ITGA9: variants seen among roughly 807,000 people sequenced by gnomAD.
ITGA9 encodes integrin alpha-9.
A neutral mutation model predicts 127.8 loss-of-function variants in ITGA9; 56 were observed. That is an observed-to-expected ratio of 0.44 (90% CI 0.35 to 0.55). ITGA9 has a LOEUF of 0.55. Ranked by LOEUF, ITGA9 falls within the 20% of genes least tolerant of loss-of-function variation. The pLI is 0.00. For synonymous variants in ITGA9, 508 were observed against 514.5 expected, an observed-to-expected ratio of 0.99 and a Z score of 0.17; for missense variants, 1,196 against 1,347.1, an observed-to-expected ratio of 0.89 and a Z score of 1.76.
intron 23 of ITGA9, among the ~76,000 whole-genome samples, chr3:37,762,704 C>T (rs555589350): frequency 3.7e-4 from 57 of 152,326 alleles, no homozygotes; most frequent in Middle Eastern, 3.4e-3. Context: ...CCATTTCAAA[C>T]GATGTCAAAG....
At chr3:37,789,579 G>A (rs1354258466) in intron 26 of ITGA9, among the ~76,000 whole-genome samples, 1 of 148,060 alleles carries the variant, frequency 6.8e-6, no homozygotes, top group Non-Finnish European at 1.5e-5. Context: ...CTAACGTGGT[G>A]TAACCCTGTC....
At chr3:37,776,344 A>T (rs1696907521) in intron 23 of ITGA9, among the ~76,000 whole-genome samples, 1 of 152,126 alleles carries the variant, frequency 6.6e-6, no homozygotes, top group Non-Finnish European at 1.5e-5. Flanking sequence ...TAAAAGTTAA[A>T]AAAAAACCAA....
chr3:37,618,938 G>A (rs1193350311), intron 15 of ITGA9, among the ~76,000 whole-genome samples: 1 of 152,056 alleles, frequency 6.6e-6, no homozygotes, highest in African/African-American at 2.4e-5. Context: ...GCCCTGCTTC[G>A]GCTCACGCTT....
intron 16 of ITGA9, among the ~76,000 whole-genome samples, chr3:37,652,720 A>G (rs1408048619): frequency 1.3e-5 from 2 of 152,220 alleles, no homozygotes; most frequent in Non-Finnish European, 2.9e-5. Flanking sequence ...GTGACAAGGA[A>G]GAAGTTTAAT....
chr3:37,533,779 C>T (rs267559), intron 14 of ITGA9, among the ~76,000 whole-genome samples: 83,415 of 151,978 alleles, frequency 0.55, 23,560 homozygotes, highest in East Asian at 0.81. Context: ...ATATAGTGCC[C>T]GGAGCCTGGC....
chr3:37,584,795 C>T (rs1363461491), intron 15 of ITGA9, among the ~76,000 whole-genome samples: 5 of 151,950 alleles, frequency 3.3e-5, no homozygotes, highest in Non-Finnish European at 7.4e-5. Flanking sequence ...TACAGTCGAT[C>T]ACAGGCAGTG....
intron 15 of ITGA9, among the ~76,000 whole-genome samples, chr3:37,586,451 C>T (rs1699759848): frequency 6.6e-6 from 1 of 152,194 alleles, no homozygotes; most frequent in South Asian, 2.1e-4. Context: ...CACAGATGTT[C>T]CCTCCTAAAA....
At chr3:37,699,178 G>A (rs1003122564) in intron 18 of ITGA9, among the ~76,000 whole-genome samples, 5 of 152,124 alleles carry the variant, frequency 3.3e-5, no homozygotes, top group African/African-American at 1.2e-4. Flanking sequence ...TTCCCTGGAT[G>A]AACTGGTCAA....
rs544218930 is a variant in ITGA9 at position 37,696,281 on chromosome 3, T to C, written c.2067+12266T>C. Among the ~76,000 whole-genome samples the C allele has an allele frequency of 3.9e-5, 6 of 152,282 alleles. No individual in the cohort carries two copies. In the South Asian group the frequency reaches 1.2e-3, roughly 32 times the overall value. Reference sequence around the variant, plus strand: ...GCAGAGACCTGAGAGAGGTAGTTTGTGAGTGTGTATCCCTGAGATACGTAG... The same window carrying C: ...GCAGAGACCTGAGAGAGGTAGTTTGCGAGTGTGTATCCCTGAGATACGTAG... On this transcript the variant is annotated intron_variant, in intron 18 of 27. Transcript: ENST00000264741.
chr3:37,803,716 G>A, intron 26 of ITGA9, 107 bp from the exon 27 acceptor site: 1 of 1,317,776 alleles, frequency 7.6e-7, no homozygotes, highest in Non-Finnish European at 1.1e-6. Context: ...AGAGGTTGCA[G>A]TGAGCCGAGA....
chr3:37,643,105 A>C (rs1700348143), intron 16 of ITGA9, among the ~76,000 whole-genome samples: 1 of 152,212 alleles, frequency 6.6e-6, no homozygotes, highest in African/African-American at 2.4e-5. Flanking sequence ...GACCGTGCAA[A>C]CTGGGGGATT....
chr3:37,607,694 GA>G (rs1283368811), intron 15 of ITGA9, among the ~76,000 whole-genome samples: 3 of 152,122 alleles, frequency 2.0e-5, no homozygotes, highest in African/African-American at 7.2e-5. Flanking sequence ...TGTAGATTTA[GA>G]ATATAACTTT....
In ITGA9 at chr3:37,803,803, A is replaced by C. The variant is rs956580842; in HGVS notation, c.2890-20A>C. ...AAAAAATAAAAAAGGAAATGTTTTC[A>C]CTGTTGCGTTGCCTCCTAGGTGGTC... On this transcript the variant is annotated intron_variant, in intron 26 of 27. Transcript: ENST00000264741. The C allele has an allele frequency of 1.2e-6, 2 of 1,613,806 alleles. No homozygotes were observed. Among genetic ancestry groups the C allele is most frequent in the African/African-American group, 2.7e-5 (2 of 74,874 alleles).
intron 5 of ITGA9, among the ~76,000 whole-genome samples, chr3:37,499,556 C>T (rs1698767480): frequency 6.6e-6 from 1 of 152,136 alleles, no homozygotes; most frequent in Non-Finnish European, 1.5e-5. Flanking sequence ...TGGTGGGGAG[C>T]TAAGTATTAG....
chr3:37,637,541 G>A (rs1161136365), intron 16 of ITGA9, among the ~76,000 whole-genome samples: 3 of 152,184 alleles, frequency 2.0e-5, no homozygotes, highest in Admixed American at 6.5e-5. Context: ...GGGCTGAGAC[G>A]AAGGGGTTTT....
chr3:37,539,486 G>C (rs1169754392), intron 14 of ITGA9, among the ~76,000 whole-genome samples: 1 of 152,246 alleles, frequency 6.6e-6, no homozygotes, highest in African/African-American at 2.4e-5. Flanking sequence ...GGGCAGGCCA[G>C]TAGGCTGGAG....
intron 15 of ITGA9, among the ~76,000 whole-genome samples, chr3:37,564,635 G>A (rs1027634385): frequency 7.2e-5 from 11 of 152,172 alleles, no homozygotes; most frequent in Non-Finnish European, 1.3e-4. Flanking sequence ...CACTGCATAC[G>A]TGGGTGTATT....
chr3:37,775,645 CAAAAAAA>C (rs34276307), intron 23 of ITGA9, among the ~76,000 whole-genome samples: 84 of 125,702 alleles, frequency 6.7e-4, no homozygotes, highest in African/African-American at 2.5e-3. Flanking sequence ...GACTCCATCT[CAAAAAAA>C]AAAAAAAAGC....
At position 37,452,574 on chromosome 3, in the gene ITGA9, G is replaced by T; in HGVS notation, c.185+15G>T. On this transcript the variant is annotated intron_variant, in intron 1 of 27. Coordinates refer to ENST00000264741, the MANE Select transcript of ITGA9 (RefSeq NM_002207.3). This position sits in a 1 kb window ranked among gnomAD's most constrained non-coding sequence, Gnocchi z 7.3. ...AACACGCGCTGGTGAGTGCCCGCCC[G>T]ACTCCGCGACCCTGGCCCGCGCGGC... 1 of 1,505,058 alleles carries T rather than the reference G, an allele frequency of 6.6e-7. No individual in the cohort carries two copies. Among genetic ancestry groups the T allele is most frequent in the Non-Finnish European group, 8.9e-7 (1 of 1,125,338 alleles). 93.2% of individuals were successfully genotyped at this position (1,505,058 alleles called of 1,614,324 possible).
Sources: gnomAD v4.1 joint callset for allele counts (sites outside exome capture counted in the v4.1 genomes callset) on GRCh38, gnomAD v4.1.1 for gene constraint, Gnocchi (gnomAD v3.1) non-coding constraint, MANE v1.5 for transcripts, NCBI Gene and HGNC (gene_info 2026-07-23, HGNC 2026-07-21) for gene names.